CLCC1: variants seen among roughly 807,000 people sequenced by gnomAD.
CLCC1 encodes the protein chloride channel CLIC-like protein 1.
CLCC1 carries 39 observed loss-of-function variants against 63.3 expected under a neutral mutation model. The ratio of observed to expected loss-of-function variants is 0.62; its 90% CI spans 0.48 to 0.81. The LOEUF (loss-of-function observed/expected upper bound fraction) is 0.81. Ranked by LOEUF, CLCC1 falls within the 30% of genes least tolerant of loss-of-function variation. CLCC1 has a pLI of 0.00. For synonymous variants in CLCC1, 217 were observed against 239.8 expected (o/e 0.90, Z 0.88); for missense variants, 549 against 669.4 (o/e 0.82, Z 1.98).
chr1:108,938,987 G>T (rs1001964940), intron 10 of CLCC1, among the ~76,000 whole-genome samples: 16 of 151,824 alleles, frequency 1.1e-4, no homozygotes, highest in African/African-American at 3.9e-4. Context: ...AAAAAAATCT[G>T]TATCACTTAA....
At chr1:108,939,085 T>A (rs987486409) in intron 10 of CLCC1, among the ~76,000 whole-genome samples, 1 of 150,766 alleles carries the variant, frequency 6.6e-6, no homozygotes, top group South Asian at 2.1e-4. Flanking sequence ...TTTCTGTAAA[T>A]CTTGCTAAAT....
chr1:108,941,569 C>T (rs1323644596), intron 7 of CLCC1, 71 bp from the exon 8 acceptor site: 6 of 1,070,464 alleles, frequency 5.6e-6, no homozygotes, highest in Non-Finnish European at 8.4e-6. Flanking sequence ...TCCAAAAGAC[C>T]TTCATTCAAA....
At chr1:108,940,833 TC>T (rs1259871536) in intron 8 of CLCC1, among the ~76,000 whole-genome samples, 1 of 152,192 alleles carries the variant, frequency 6.6e-6, no homozygotes, top group Admixed American at 6.5e-5. Context: ...TCTGCAGAAT[TC>T]CGTGTCAGTC....
rs898425062 is a variant in CLCC1 at position 108,937,122 on chromosome 1, A to C, written c.1338T>G (p.Asp446Glu). The C allele has an allele frequency of 1.3e-6, 2 of 1,530,696 alleles. No individual in the cohort carries two copies. The highest frequency in any genetic ancestry group is 1.8e-6 in the Non-Finnish European group (2 of 1,141,154). The allele number at this position is 1,530,696 out of a possible 1,614,324, so 94.8% of individuals were successfully genotyped here. The change falls in exon 11 of 13, where the codon GAT (aspartate) becomes GAG (glutamate). Residue 446 changes from aspartate (D) to glutamate (E), a missense_variant. Transcript: ENST00000369969. ...NKSPEVLRAF[D>E]VPDAEAREHP... The stretch of plus-strand genomic sequence containing the variant: ...GCTCTCGTGCCTCTGCGTCTGGTAC[A>C]TCAAATGCCCGGAGCACTTCAGGGC...
Position 108,931,210 on chromosome 1 carries a change from A to C in CLCC1, c.*1337T>G, listed in dbSNP as rs1651893121. ...TGGTTAGGTCAAGAACCTAGGACAC[A>C]TAAACAAACAGAAAACAGATGAAAA... On this transcript the variant is annotated 3_prime_UTR_variant, in exon 13 of 13. Transcript: ENST00000369969. 2.4e-6 allele frequency: 3 copies of C among 1,262,234 alleles called. No individual in the cohort carries two copies. The South Asian group carries it at 4.8e-5, about 20-fold the overall frequency. 78.2% of individuals were successfully genotyped at this position (1,262,234 alleles called of 1,614,324 possible). A position where few individuals can be genotyped will look rare whatever the true frequency, so the allele number is the denominator to read the frequency against.
chr1:108,934,842 T>A lies in CLCC1; in HGVS notation c.1484A>T (p.Lys495Met). ...ESSTESSQSA[K>M]PVSGQDTSGN... The stretch of plus-strand genomic sequence containing the variant: ...TGATGTGTCTTGGCCAGAGACAGGC[T>A]TGGCCGACTGGCTGCTTTCAGTACT... The change falls in exon 12 of 13, where the codon AAG becomes ATG. Residue 495 changes from lysine (K) to methionine (M), a missense_variant. Transcript: ENST00000369969. The A allele has an allele frequency of 6.2e-7, 1 of 1,614,262 alleles. No individual in the cohort carries two copies. The highest frequency in any genetic ancestry group is 2.2e-5 in the East Asian group (1 of 44,896).
intron 2 of CLCC1, among the ~76,000 whole-genome samples, chr1:108,953,243 C>T (rs527663187): frequency 4.6e-5 from 7 of 152,252 alleles, no homozygotes; most frequent in Non-Finnish European, 8.8e-5. Flanking sequence ...ATTAAATACT[C>T]CTGTTCCCCA....
chr1:108,945,603 A>C (rs1297365597), intron 5 of CLCC1, among the ~76,000 whole-genome samples: 3 of 152,178 alleles, frequency 2.0e-5, no homozygotes, highest in Non-Finnish European at 2.9e-5. Flanking sequence ...GGAATCTGTG[A>C]AGAATGAGGA....
chr1:108,940,894 T>C (rs1653751271), intron 8 of CLCC1, among the ~76,000 whole-genome samples: 1 of 152,078 alleles, frequency 6.6e-6, no homozygotes, highest in African/African-American at 2.4e-5. Context: ...ACCATCCCCA[T>C]TGCTAGATAC....
rs756237826 is a variant in CLCC1 at position 108,934,923 on chromosome 1, T to C, written c.1403A>G (p.Asp468Gly). 6.2e-7 allele frequency: 1 copy of C among 1,611,570 alleles called. No homozygotes were observed. Among genetic ancestry groups the C allele is most frequent in the Non-Finnish European group, 8.5e-7 (1 of 1,178,252 alleles). The change falls in exon 12 of 13, where the codon GAT (aspartate) becomes GGT (glycine). Residue 468 changes from aspartate (D) to glycine (G), a missense_variant. Transcript: ENST00000369969. Reference sequence around the variant, plus strand: ...TCCACCTGTCTCCTTGGGCTTTGTATCCAAAACAGGTGATTTATGCTATAA... The same window carrying C: ...TCCACCTGTCTCCTTGGGCTTTGTACCCAAAACAGGTGATTTATGCTATAA... Reference protein sequence around the residue: ...VVPSHKSPVLDTKPKETGGIL... With the variant: ...VVPSHKSPVLGTKPKETGGIL...
At chr1:108,954,395 C>T in intron 2 of CLCC1, among the ~76,000 whole-genome samples, 1 of 151,004 alleles carries the variant, frequency 6.6e-6, no homozygotes, top group East Asian at 1.9e-4. Context: ...ACTTGGGAGG[C>T]TGAGGCAGGA....
rs530371588 is a variant in CLCC1, at chr1:108,941,615, T to C, written c.703-117A>G. ...ACCATTCATCCAAACCAGACTGTTA[T>C]AAATTTTTAATTAAAAAAAAACATA... On this transcript the variant is annotated intron_variant, in intron 7 of 12. Transcript: ENST00000369969. 53 of 518,514 alleles carry C rather than the reference T, an allele frequency of 1.0e-4. No homozygotes were observed. The South Asian group carries it at 1.3e-3, about 12-fold the overall frequency. The allele number at this position is 518,514 out of a possible 1,614,324, so 32.1% of individuals were successfully genotyped here.
chr1:108,953,777 G>A (rs536187896), intron 2 of CLCC1, among the ~76,000 whole-genome samples: 59 of 152,202 alleles, frequency 3.9e-4, no homozygotes, highest in Non-Finnish European at 2.6e-4. Flanking sequence ...TCGGGAGGCC[G>A]AGGCGGGCAG....
Position 108,942,130 on chromosome 1 carries a change from T to C in CLCC1, c.703-632A>G, listed in dbSNP as rs986044462. Among the ~76,000 whole-genome samples the C allele has an allele frequency of 2.2e-4, 34 of 152,138 alleles. No individual in the cohort carries two copies. In the South Asian group the frequency reaches 5.4e-3, roughly 24 times the overall value. Reference sequence around the variant, plus strand: ...GATAGCACGGGCCTGTAGTCCCAGATAGGAGGCTGAGGCAAGAGAATCGCT... The same window carrying C: ...GATAGCACGGGCCTGTAGTCCCAGACAGGAGGCTGAGGCAAGAGAATCGCT... On this transcript the variant is annotated intron_variant, in intron 7 of 12. Coordinates refer to ENST00000369969, the MANE Select transcript of CLCC1 (RefSeq NM_001377458.1).
Position 108,950,432 on chromosome 1 carries a change from C to A in CLCC1, c.6G>T (p.Leu2=). 6.2e-7 allele frequency: 1 copy of A among 1,604,744 alleles called. No individual in the cohort carries two copies. Residue 2 remains leucine (L), a synonymous_variant, in exon 3 of 13, where the codon CTG becomes CTT. Coordinates refer to ENST00000369969, the MANE Select transcript of CLCC1 (RefSeq NM_001377458.1). The stretch of plus-strand genomic sequence containing the variant: ...GACATTCACAAAGGAGCAAAGAACA[C>A]AGCATCCTGTATAAGGCTAAAACAA... M[L]CSLLLCECLL...
chr1:108,961,284 T>TA (rs5776958), intron 2 of CLCC1, among the ~76,000 whole-genome samples: 1,842 of 133,910 alleles, frequency 0.014, 42 homozygotes, highest in Non-Finnish European at 0.017. Context: ...AAGAGTTTGT[T>TA]AAAAAAAAAA....
intron 2 of CLCC1, among the ~76,000 whole-genome samples, chr1:108,960,736 T>C (rs1656512214): frequency 6.6e-6 from 1 of 152,162 alleles, no homozygotes; most frequent in Admixed American, 6.5e-5. Context: ...GTAATTTGCA[T>C]TTCTAACACT....
chr1:108,934,312 T>C (rs1652514356), intron 12 of CLCC1: 1 of 210,694 alleles, frequency 4.7e-6, no homozygotes, highest in Non-Finnish European at 9.6e-6. Flanking sequence ...AATTGGTTAG[T>C]GGGTTCCCGT....
At chr1:108,945,719 G>A (rs1391357419) in intron 5 of CLCC1, among the ~76,000 whole-genome samples, 4 of 152,168 alleles carry the variant, frequency 2.6e-5, no homozygotes, top group Non-Finnish European at 5.9e-5. Flanking sequence ...AAACAAGAAG[G>A]ATCTCAAAGA....
Sources: allele counts gnomAD v4.1 joint callset (sites outside exome capture counted in the v4.1 genomes callset), GRCh38; gene constraint gnomAD v4.1.1; transcripts MANE v1.5; gene names NCBI Gene and HGNC (gene_info 2026-07-23, HGNC 2026-07-21).